GHR: variants seen among roughly 807,000 people sequenced by gnomAD.
GHR encodes GH receptor.
Under a neutral mutation model 67.1 loss-of-function variants are expected in GHR, and 35 were observed. That is an observed-to-expected ratio of 0.52 (90% CI 0.40 to 0.69). The LOEUF is 0.69. Ranked by LOEUF, GHR falls within the 30% of genes least tolerant of loss-of-function variation. The probability of loss-of-function intolerance (pLI) is 0.00; values close to 1 mark genes in which losing one functional copy is unlikely to be tolerated. For synonymous variants in GHR, 272 were observed against 269.1 expected (o/e 1.01, Z -0.10); for missense variants, 792 against 764.6 (o/e 1.04, Z -0.42).
intron 3 of GHR, among the ~76,000 whole-genome samples, chr5:42,656,852 A>G (rs1353172376): frequency 6.6e-6 from 1 of 152,042 alleles, no homozygotes; most frequent in Non-Finnish European, 1.5e-5. Context: ...CTAGCTACTT[A>G]TTTGCTGCCA....
At position 42,597,852 on chromosome 5, in the gene GHR, GC is replaced by G. The variant is rs544802029; in HGVS notation, c.71-31185del. ...CATAGTCACTGAGGACTCCACCACT[GC>G]TGGGTGTTGGGGAGGGCACACTGAG... On this transcript the variant is annotated intron_variant, in intron 2 of 9. Transcript: ENST00000230882. 2.4e-3 allele frequency among the ~76,000 whole-genome samples: 369 copies of G among 152,298 alleles called. 1 individual carries two copies. The highest frequency in any genetic ancestry group is 3.9e-3 in the Non-Finnish European group (268 of 68,020).
rs1753880532 is a variant in GHR at position 42,630,422 on chromosome 5, G to C, written c.136+1319G>C. ...TATTGCTATTCTTGTTGTTATTCTA[G>C]AGTCACGAAATCATAATTTGAATTT... On this transcript the variant is annotated intron_variant, in intron 3 of 9. Coordinates refer to ENST00000230882, the MANE Select transcript of GHR (RefSeq NM_000163.5). Among the ~76,000 whole-genome samples, 3 of 132,064 alleles carry C rather than the reference G, an allele frequency of 2.3e-5. 1 individual carries two copies. Among genetic ancestry groups the C allele is most frequent in the Admixed American group, 7.3e-5 (1 of 13,700 alleles). 86.6% of individuals were successfully genotyped at this position (132,064 alleles called of 152,430 possible).
At chr5:42,558,070 T>G (rs943346583) in intron 1 of GHR, among the ~76,000 whole-genome samples, 13 of 152,178 alleles carry the variant, frequency 8.5e-5, no homozygotes, top group Admixed American at 1.3e-4. Flanking sequence ...GACCCTTTTT[T>G]TAAATTCCAG....
intron 2 of GHR, among the ~76,000 whole-genome samples, chr5:42,572,472 G>A (rs1019206324): frequency 1.3e-5 from 2 of 152,156 alleles, no homozygotes; most frequent in Non-Finnish European, 2.9e-5. Flanking sequence ...GCATGAAGAC[G>A]GTGATGATGT....
intron 3 of GHR, among the ~76,000 whole-genome samples, chr5:42,658,711 G>A (rs1353276095): frequency 1.3e-5 from 2 of 152,130 alleles, no homozygotes; most frequent in South Asian, 2.1e-4. Context: ...GGAAAAGAGG[G>A]GGTGCTACTG....
At chr5:42,426,422 T>G (rs1742856314) in intron 1 of GHR, among the ~76,000 whole-genome samples, 1 of 152,228 alleles carries the variant, frequency 6.6e-6, no homozygotes, top group South Asian at 2.1e-4. Flanking sequence ...TTATGTTTTT[T>G]AAATCTGCTA....
Position 42,629,102 on chromosome 5 carries a change from A to C in GHR, c.135A>C (p.Thr45=). 7.5e-7 allele frequency: 1 copy of C among 1,327,840 alleles called. No homozygotes were observed. Among genetic ancestry groups the C allele is most frequent in the East Asian group, 2.3e-5 (1 of 43,070 alleles). The allele number at this position is 1,327,840 out of a possible 1,614,324, so 82.3% of individuals were successfully genotyped here. A position where few individuals can be genotyped will look rare whatever the true frequency, so the allele number is the denominator to read the frequency against. Residue 45 remains threonine, a splice_region_variant and synonymous_variant, in exon 3 of 10, where the codon ACA becomes ACC. Coordinates refer to ENST00000230882, the MANE Select transcript of GHR (RefSeq NM_000163.5). ...AAAGTGTTAATCCAGGCCTAAAGAC[A>C]AGTAAGAATTTCAGTCCTTTTTCTT... ...SLQSVNPGLK[T]NSSKEPKFTK...
chr5:42,431,829 G>T (rs981102618), intron 1 of GHR, among the ~76,000 whole-genome samples: 1 of 152,214 alleles, frequency 6.6e-6, no homozygotes, highest in Admixed American at 6.5e-5. Context: ...CAGGTGTAGA[G>T]AATTCCCTGA....
chr5:42,689,137 ATT>A, intron 4 of GHR, 118 bp downstream of exon 4: 1 of 928,384 alleles, frequency 1.1e-6, no homozygotes, highest in South Asian at 1.3e-5. Context: ...ATCAATGAAT[ATT>A]CATTCACTCA....
Position 42,697,421 on chromosome 5 carries a change from A to G in GHR, c.439+2332A>G, listed in dbSNP as rs146951413. Among the ~76,000 whole-genome samples, 311 of 152,324 alleles carry G rather than the reference A, an allele frequency of 2.0e-3. 3 individuals are homozygous for G. The highest frequency in any genetic ancestry group is 7.2e-3 in the African/African-American group (298 of 41,582). The stretch of plus-strand genomic sequence containing the variant: ...CTATGGAGAAATATAGGAAAGGAGA[A>G]TAGGAGTGTTGGAGAGGTTGCAGTG... On this transcript the variant is annotated intron_variant, in intron 5 of 9. Transcript: ENST00000230882.
chr5:42,557,644 C>CA (rs1749382802), intron 1 of GHR, among the ~76,000 whole-genome samples: 1 of 152,160 alleles, frequency 6.6e-6, no homozygotes, highest in Non-Finnish European at 1.5e-5. Flanking sequence ...ACCTAGCCCT[C>CA]TGTGACTCCA....
intron 1 of GHR, among the ~76,000 whole-genome samples, chr5:42,539,528 T>G (rs751966680): frequency 1.3e-5 from 2 of 152,212 alleles, no homozygotes; most frequent in Non-Finnish European, 2.9e-5. Context: ...GAACCATCTA[T>G]GGGTCTCTCA....
At chr5:42,494,419 T>G (rs1156392159) in intron 1 of GHR, among the ~76,000 whole-genome samples, 1 of 152,046 alleles carries the variant, frequency 6.6e-6, no homozygotes, top group African/African-American at 2.4e-5. Flanking sequence ...TTCAAACATG[T>G]TGAGGAAAAA....
At chr5:42,478,558 C>A (rs377674746) in intron 1 of GHR, among the ~76,000 whole-genome samples, 59 of 152,126 alleles carry the variant, frequency 3.9e-4, no homozygotes, top group African/African-American at 1.4e-3. Flanking sequence ...CTTTTATTTC[C>A]TTGAGCAGTG....
At chr5:42,638,405 T>G (rs995064930) in intron 3 of GHR, among the ~76,000 whole-genome samples, 2 of 152,176 alleles carry the variant, frequency 1.3e-5, no homozygotes, top group Non-Finnish European at 2.9e-5. Flanking sequence ...TGGGGATAGG[T>G]TCTAAGAAAT....
At chr5:42,645,430 C>T (rs564047801) in intron 3 of GHR, among the ~76,000 whole-genome samples, 13 of 152,250 alleles carry the variant, frequency 8.5e-5, no homozygotes, top group African/African-American at 2.6e-4. Context: ...TTCATCACTC[C>T]TGAACAAACA....
At position 42,668,246 on chromosome 5, in the gene GHR, G is replaced by A. The variant is rs138549340; in HGVS notation, c.137-20644G>A. Among the ~76,000 whole-genome samples the A allele has an allele frequency of 3.3e-4, 50 of 152,226 alleles. 5 individuals carry two copies. The highest frequency in any genetic ancestry group is 1.2e-3 in the African/African-American group (48 of 41,526). On this transcript the variant is annotated intron_variant, in intron 3 of 9. Transcript: ENST00000230882. ...AGGCAAGGGGGTAGGAGATATTGAGGCTTTCAATTTTTATTTCACTCGGTA... is the reference window on the plus strand; with the variant it reads ...AGGCAAGGGGGTAGGAGATATTGAGACTTTCAATTTTTATTTCACTCGGTA...
chr5:42,507,718 A>C (rs1746837022), intron 1 of GHR, among the ~76,000 whole-genome samples: 1 of 152,236 alleles, frequency 6.6e-6, no homozygotes, highest in African/African-American at 2.4e-5. Flanking sequence ...CTGCAGAAGA[A>C]GGAAACCGTG....
At chr5:42,431,167 CTCA>C (rs990721506) in intron 1 of GHR, among the ~76,000 whole-genome samples, 11 of 152,222 alleles carry the variant, frequency 7.2e-5, no homozygotes, top group Admixed American at 2.0e-4. Flanking sequence ...ATTTTATTCT[CTCA>C]TCATTAATTT....
Sources: gnomAD v4.1 joint callset for allele counts (sites outside exome capture counted in the v4.1 genomes callset) on GRCh38, gnomAD v4.1.1 for gene constraint, MANE v1.5 for transcripts, NCBI Gene and HGNC (gene_info 2026-07-23, HGNC 2026-07-21) for gene names.